Variants in GRAMD4 observed in about 807,000 individuals in gnomAD.
GRAMD4 encodes GRAM domain-containing protein 4.
GRAMD4 carries 25 observed loss-of-function variants against 83.9 expected under a neutral mutation model. That is an observed-to-expected ratio of 0.30 (90% CI 0.22 to 0.42). The LOEUF is 0.42. GRAMD4 is among the 10% of genes least tolerant of loss of function. The pLI, the probability that GRAMD4 is intolerant of heterozygous loss-of-function variation, is 1.00. For missense variants in GRAMD4, 593 were observed against 788.7 expected, an observed-to-expected ratio of 0.75 and a Z score of 2.97; for synonymous variants, 336 against 320.9, an observed-to-expected ratio of 1.05 and a Z score of -0.50.
chr22:46,678,800 C>T lies in GRAMD4; in HGVS notation c.*1549C>T, dbSNP rs979788343. ...TGGTTTCACCCCCTTCACGAGGGGC[C>T]GCAGAGTCACACGCTGGTGCCGGGG... On this transcript the variant is annotated 3_prime_UTR_variant, in exon 19 of 19. Coordinates refer to ENST00000406902, the MANE Select transcript of GRAMD4 (RefSeq NM_015124.5). The T allele has an allele frequency of 1.5e-5, 15 of 986,076 alleles. No homozygotes were observed. The Admixed American group carries it at 3.1e-4, about 20-fold the overall frequency. The allele number at this position is 986,076 out of a possible 1,614,324, so 61.1% of individuals were successfully genotyped here. A position where few individuals can be genotyped will look rare whatever the true frequency, so the allele number is the denominator to read the frequency against.
At chr22:46,663,914 G>A (rs375345298) in intron 7 of GRAMD4, 51 bp downstream of exon 7, 4 of 1,601,420 alleles carry the variant, frequency 2.5e-6, no homozygotes, top group Admixed American at 3.3e-5. Flanking sequence ...TGTGGGTGGG[G>A]CCCATGGCGG....
intron 3 of GRAMD4, among the ~76,000 whole-genome samples, chr22:46,643,129 A>ATCCC (rs2082003532): frequency 2.2e-5 from 3 of 138,092 alleles, no homozygotes; most frequent in Non-Finnish European, 3.2e-5. Flanking sequence ...CCATGCATCC[A>ATCCC]TCCATGCATC....
At chr22:46,669,762 A>G (rs1166791518) in intron 13 of GRAMD4, among the ~76,000 whole-genome samples, 1 of 151,960 alleles carries the variant, frequency 6.6e-6, no homozygotes, top group Non-Finnish European at 1.5e-5. Flanking sequence ...TATTTTTAGT[A>G]GAGACGGGGT....
intron 2 of GRAMD4, among the ~76,000 whole-genome samples, chr22:46,632,375 T>C (rs2081788321): frequency 6.6e-6 from 1 of 152,144 alleles, no homozygotes; most frequent in South Asian, 2.1e-4. Flanking sequence ...CCACGCCCCA[T>C]CTTGAGAGGG....
At chr22:46,617,917 C>T (rs545288066), upstream of GRAMD4, among the ~76,000 whole-genome samples, 3 of 152,222 alleles carry the variant, frequency 2.0e-5, no homozygotes, top group Non-Finnish European at 4.4e-5. Context: ...CATCCCAGAT[C>T]ACTGAAGGCT....
upstream of GRAMD4, among the ~76,000 whole-genome samples, chr22:46,616,069 TGTGTAGGTTCCCCCAA>T (rs2081485567): frequency 7.4e-6 from 1 of 134,984 alleles, no homozygotes; most frequent in South Asian, 2.6e-4. Flanking sequence ...GGTTCCCCCG[TGTGTAGGTTCCCCCAA>T]GCGTGTAGGT....
intron 3 of GRAMD4, among the ~76,000 whole-genome samples, chr22:46,652,780 G>A (rs970469966): frequency 9.2e-5 from 14 of 152,342 alleles, no homozygotes; most frequent in African/African-American, 3.4e-4. Context: ...GTGAATAGCA[G>A]CTCAGTAGTT....
At chr22:46,616,027 T>C (rs2081483875), upstream of GRAMD4, among the ~76,000 whole-genome samples, 1 of 31,672 alleles carries the variant, frequency 3.2e-5, no homozygotes. Flanking sequence ...TGCGTGTTGG[T>C]TCCCCCATGT....
At chr22:46,667,122 T>G (rs1399376805) in intron 10 of GRAMD4, among the ~76,000 whole-genome samples, 5 of 152,352 alleles carry the variant, frequency 3.3e-5, no homozygotes, top group Middle Eastern at 3.4e-3. Flanking sequence ...TGCCTGGCCC[T>G]GGCCAGGCTT....
intron 15 of GRAMD4, 110 bp from the exon 16 acceptor site, chr22:46,674,547 C>T (rs989454023): frequency 1.1e-5 from 9 of 812,308 alleles, no homozygotes; most frequent in Middle Eastern, 4.6e-4. Context: ...GTGACGTGAG[C>T]GCGGTGGGCG....
Position 46,622,376 on chromosome 22 carries a change from CAGG to C in GRAMD4, c.-50+1816_-50+1818del, listed in dbSNP as rs2081588285. Among the ~76,000 whole-genome samples, 1 of 152,210 alleles carries C rather than the reference CAGG, an allele frequency of 6.6e-6. No homozygotes were observed. Among genetic ancestry groups the C allele is most frequent in the African/African-American group, 2.4e-5 (1 of 41,452 alleles). The stretch of plus-strand genomic sequence containing the variant: ...CCGCTTCCCTCTCAGCTGCCGCAAC[CAGG>C]AGGACTCGCCGGGTTTTTGAAAATG... On this transcript the variant is annotated intron_variant, in intron 1 of 18. Coordinates refer to ENST00000406902, the MANE Select transcript of GRAMD4 (RefSeq NM_015124.5). This position sits in a 1 kb window ranked among gnomAD's most constrained non-coding sequence, Gnocchi z 4.0.
intron 1 of GRAMD4, among the ~76,000 whole-genome samples, chr22:46,579,510 A>G (rs1256371753): frequency 6.6e-6 from 1 of 152,196 alleles, no homozygotes; most frequent in Non-Finnish European, 1.5e-5. Context: ...TTCTCTTTGG[A>G]AGGAGTATCA....
At chr22:46,590,349 G>A (rs1339869433) in intron 1 of GRAMD4, among the ~76,000 whole-genome samples, 2 of 152,168 alleles carry the variant, frequency 1.3e-5, no homozygotes. Context: ...CGGGAGTACT[G>A]GGGACCTCTC....
chr22:46,660,818 G>C (rs2082315570), intron 4 of GRAMD4, among the ~76,000 whole-genome samples: 2 of 152,156 alleles, frequency 1.3e-5, no homozygotes, highest in African/African-American at 4.8e-5. Flanking sequence ...GAAGGTTAGG[G>C]GCGACCACAC....
At chr22:46,662,746 A>G (rs1239688885) in intron 5 of GRAMD4, among the ~76,000 whole-genome samples, 1 of 152,190 alleles carries the variant, frequency 6.6e-6, no homozygotes, top group Non-Finnish European at 1.5e-5. Flanking sequence ...CAGGGCGGGC[A>G]GAGAGCTGGG....
chr22:46,675,120 T>A (rs781070484), intron 16 of GRAMD4, among the ~76,000 whole-genome samples: 1 of 152,148 alleles, frequency 6.6e-6, no homozygotes, highest in Non-Finnish European at 1.5e-5. Context: ...GCCGTGAGTG[T>A]CTCACTCAGA....
intron 1 of GRAMD4, among the ~76,000 whole-genome samples, chr22:46,609,687 T>C (rs138527): frequency 0.79 from 119,971 of 152,158 alleles, 48,202 homozygotes; most frequent in East Asian, 1. Flanking sequence ...CACACTGGAT[T>C]CCGCATTGTG....
chr22:46,664,169 C>T (rs2082374101), intron 8 of GRAMD4, 52 bp downstream of exon 8: 2 of 1,270,894 alleles, frequency 1.6e-6, no homozygotes, highest in African/African-American at 1.5e-5. Flanking sequence ...TGCCTGCCAG[C>T]ATTCACCACA....
At chr22:46,623,406 G>T (rs1184969500) in intron 1 of GRAMD4, among the ~76,000 whole-genome samples, 1 of 151,748 alleles carries the variant, frequency 6.6e-6, no homozygotes, top group Non-Finnish European at 1.5e-5. Flanking sequence ...TATTTTTTTT[G>T]ACACAGAGTC....
Sources: gnomAD v4.1 joint callset for allele counts (sites outside exome capture counted in the v4.1 genomes callset) on GRCh38, gnomAD v4.1.1 for gene constraint, Gnocchi (gnomAD v3.1) non-coding constraint, MANE v1.5 for transcripts, NCBI Gene and HGNC (gene_info 2026-07-23, HGNC 2026-07-21) for gene names.